The following DOCK10 variants were observed in gnomAD, a reference collection of about 807,000 sequenced individuals.
DOCK10 encodes the protein dedicator of cytokinesis protein 10.
A neutral mutation model predicts 280.1 loss-of-function variants in DOCK10; 145 were observed. That is an observed-to-expected ratio of 0.52 (90% confidence interval 0.45 to 0.59). DOCK10 has a LOEUF of 0.59. DOCK10 is among the 20% of genes least tolerant of loss of function. The pLI is 0.00. For synonymous variants in DOCK10, 915 were observed against 942.2 expected (o/e 0.97, Z 0.53); for missense variants, 2,368 against 2,651.7 (o/e 0.89, Z 2.35).
chr2:224,896,849 C>G (rs569366815), intron 3 of DOCK10, among the ~76,000 whole-genome samples: 1 of 152,186 alleles, frequency 6.6e-6, no homozygotes, highest in Admixed American at 6.5e-5. Flanking sequence ...CTTGCTCTTT[C>G]CAATCATTTT....
In DOCK10 at chr2:224,787,463, G is replaced by T. The variant is rs76368657; in HGVS notation, c.5419-66C>A. The stretch of plus-strand genomic sequence containing the variant: ...GGTTGTGGCTCATGCCTGAAACTTG[G>T]TTTCCAAGCTGTTGCATTGTCAAAC... On this transcript the variant is annotated intron_variant, in intron 48 of 55. Transcript: ENST00000258390. 806 of 1,591,922 alleles carry T rather than the reference G, an allele frequency of 5.1e-4. 13 individuals are homozygous for T. In the East Asian group the frequency reaches 0.017, roughly 34 times the overall value.
rs757404093 is a variant in DOCK10 at position 224,787,235 on chromosome 2, A to T, written c.5541+40T>A. The T allele has an allele frequency of 6.2e-6, 10 of 1,612,750 alleles. No homozygotes were observed. In the African/African-American group the frequency reaches 1.3e-4, roughly 22 times the overall value. On this transcript the variant is annotated intron_variant, in intron 49 of 55. Transcript: ENST00000258390. ...TGTAAGTAATTTTCCAATTCAACAT[A>T]GGATATTTTAATTAACTTCTAGGGG...
At chr2:225,011,703 T>C (rs762572493) in intron 1 of DOCK10, among the ~76,000 whole-genome samples, 1 of 152,120 alleles carries the variant, frequency 6.6e-6, no homozygotes, top group Non-Finnish European at 1.5e-5. Flanking sequence ...AAGGAAGACG[T>C]TGGGGCTTGC....
chr2:224,797,245 T>A, intron 42 of DOCK10, 99 bp from the exon 43 acceptor site: 1 of 844,170 alleles, frequency 1.2e-6, no homozygotes, highest in Non-Finnish European at 1.7e-6. Context: ...TCCCTCTCCT[T>A]TTTTTTTTTA....
intron 2 of DOCK10, among the ~76,000 whole-genome samples, chr2:224,930,011 G>A (rs1046698685): frequency 6.6e-6 from 1 of 151,900 alleles, no homozygotes; most frequent in Non-Finnish European, 1.5e-5. Flanking sequence ...GACCAGCATG[G>A]CCAACATGGC....
chr2:224,842,779 C>G (rs1223666543), intron 22 of DOCK10, among the ~76,000 whole-genome samples: 1 of 152,192 alleles, frequency 6.6e-6, no homozygotes, highest in Non-Finnish European at 1.5e-5. Flanking sequence ...GAAGGCCCAA[C>G]CCCTTCCTCT....
intron 1 of DOCK10, among the ~76,000 whole-genome samples, chr2:224,987,472 C>G (rs1706004304): frequency 6.6e-6 from 1 of 152,118 alleles, no homozygotes; most frequent in South Asian, 2.1e-4. Context: ...TCACCAAATA[C>G]CCCAAGAAGG....
intron 28 of DOCK10, among the ~76,000 whole-genome samples, chr2:224,822,688 G>A (rs993298514): frequency 3.3e-5 from 5 of 152,060 alleles, no homozygotes; most frequent in African/African-American, 1.2e-4. Flanking sequence ...GCTCCAGCTT[G>A]GGTTGACAGA....
chr2:224,998,468 T>C (rs1225658877), intron 1 of DOCK10, among the ~76,000 whole-genome samples: 1 of 152,018 alleles, frequency 6.6e-6, no homozygotes, highest in Non-Finnish European at 1.5e-5. Context: ...CAAGGGAAGG[T>C]TTCCCTTCTC....
intron 31 of DOCK10, among the ~76,000 whole-genome samples, chr2:224,808,891 G>C (rs555126258): frequency 6.6e-6 from 1 of 152,216 alleles, no homozygotes; most frequent in South Asian, 2.1e-4. Flanking sequence ...CAATGGGGGA[G>C]GGAGGGGGCA....
chr2:224,774,521 A>G (rs1239898188), intron 52 of DOCK10, among the ~76,000 whole-genome samples: 1 of 152,230 alleles, frequency 6.6e-6, no homozygotes, highest in Non-Finnish European at 1.5e-5. Context: ...GATGAAGAAT[A>G]TGAATCCCAG....
intron 3 of DOCK10, among the ~76,000 whole-genome samples, chr2:224,901,068 T>C (rs1193270849): frequency 2.0e-5 from 3 of 152,226 alleles, no homozygotes; most frequent in Non-Finnish European, 2.9e-5. Flanking sequence ...TACAAACACA[T>C]AACCATTTCT....
intron 1 of DOCK10, among the ~76,000 whole-genome samples, chr2:225,012,065 T>C (rs2126299169): frequency 6.6e-6 from 1 of 152,282 alleles, no homozygotes; most frequent in South Asian, 2.1e-4. Context: ...GTATTATGCA[T>C]ATCATGTCTC....
chr2:225,019,874 T>C (rs914095566), intron 1 of DOCK10, among the ~76,000 whole-genome samples: 1 of 152,218 alleles, frequency 6.6e-6, no homozygotes, highest in Admixed American at 6.5e-5. Context: ...GTAAGGCAAA[T>C]TCCCATGCTT....
intron 45 of DOCK10, among the ~76,000 whole-genome samples, 194 bp downstream of exon 45, chr2:224,794,685 T>C (rs566861953): frequency 6.6e-6 from 1 of 152,368 alleles, no homozygotes; most frequent in Non-Finnish European, 1.5e-5. Context: ...GGCCTTTATT[T>C]GATATCATTT....
chr2:224,793,022 T>A lies in DOCK10; in HGVS notation c.5263A>T (p.Thr1755Ser). 2 of 1,613,842 alleles carry A rather than the reference T, an allele frequency of 1.2e-6. No homozygotes were observed. The highest frequency in any genetic ancestry group is 1.7e-6 in the Non-Finnish European group (2 of 1,179,786). The change falls in exon 47 of 56, where the codon ACC becomes TCC. Residue 1755 changes from threonine (T) to serine (S), a missense_variant. Thr to Ser is a moderately conservative substitution (Grantham distance 58). Transcript: ENST00000258390. ...ICTASLLSED[T>S]HPCDSNSLLT... ...AATGAGTTGCTATCACAGGGGTGGGTATCCTCCGAGAGCAGGGATGCTGTG... is the reference window on the plus strand; with the variant it reads ...AATGAGTTGCTATCACAGGGGTGGGAATCCTCCGAGAGCAGGGATGCTGTG...
chr2:224,855,015 G>C lies in DOCK10; in HGVS notation c.1836C>G (p.Thr612=), dbSNP rs1421126008. The C allele has an allele frequency of 5.0e-6, 8 of 1,598,340 alleles. No individual in the cohort carries two copies. The South Asian group carries it at 8.9e-5, about 18-fold the overall frequency. The stretch of plus-strand genomic sequence containing the variant: ...CAGCAATATCCAGGCTTCCAGGAAT[G>C]GTCTGCATTTTGCTTATTCTGTCGG... ...RRADRISKMQ[T]IPGSLDIAVD... Residue 612 remains threonine (T), a synonymous_variant, in exon 16 of 56, where the codon ACC becomes ACG. Coordinates refer to ENST00000258390, the MANE Select transcript of DOCK10 (RefSeq NM_014689.3).
At chr2:224,827,577 A>G (rs897582647) in intron 27 of DOCK10, among the ~76,000 whole-genome samples, 1 of 152,202 alleles carries the variant, frequency 6.6e-6, no homozygotes, top group South Asian at 2.1e-4. Flanking sequence ...CTTACAGATG[A>G]GAAAACAGGC....
intron 42 of DOCK10, 110 bp from the exon 43 acceptor site, chr2:224,797,256 AC>A: frequency 2.4e-6 from 2 of 830,352 alleles, no homozygotes; most frequent in Non-Finnish European, 3.4e-6. Context: ...TTTTTTTTTA[AC>A]TTGGTCTATT....
Sources: allele counts gnomAD v4.1 joint callset (sites outside exome capture counted in the v4.1 genomes callset), GRCh38; gene constraint gnomAD v4.1.1; transcripts MANE v1.5; gene names NCBI Gene and HGNC (gene_info 2026-07-23, HGNC 2026-07-21).